The following JAZF1 variants were observed in gnomAD, a reference collection of about 807,000 sequenced individuals.
JAZF1 encodes the protein JAZF zinc finger 1, also known as juxtaposed with another zinc finger protein 1.
In JAZF1, 8 loss-of-function variants were observed where a neutral mutation model predicts 26.4. The observed-to-expected ratio is 0.30, with a 90% confidence interval of 0.18 to 0.55. JAZF1 has a LOEUF of 0.55. Among genes scored for constraint, JAZF1 ranks in the 20% least tolerant of loss-of-function variants. JAZF1 has a pLI of 0.94. For synonymous variants in JAZF1, 126 were observed against 122.3 expected (o/e 1.03, Z -0.20); for missense variants, 199 against 322.0 (o/e 0.62, Z 2.92).
At chr7:27,897,686 C>T (rs1254740572) in intron 2 of JAZF1, among the ~76,000 whole-genome samples, 3 of 152,228 alleles carry the variant, frequency 2.0e-5, no homozygotes. Flanking sequence ...ATGGCCCTTG[C>T]ACAGAATGGG....
At chr7:27,850,465 A>G (rs1477034068) in intron 3 of JAZF1, among the ~76,000 whole-genome samples, 2 of 152,176 alleles carry the variant, frequency 1.3e-5, no homozygotes, top group African/African-American at 2.4e-5. Context: ...CACACTTTCT[A>G]ATGAATTGCC....
intron 1 of JAZF1, among the ~76,000 whole-genome samples, chr7:28,033,767 G>C (rs1267783965): frequency 6.6e-6 from 1 of 152,128 alleles, no homozygotes; most frequent in East Asian, 1.9e-4. Context: ...GCAATGGGAG[G>C]AGTCTCACTC....
At chr7:28,127,956 C>T (rs1239724701) in intron 1 of JAZF1, among the ~76,000 whole-genome samples, 1 of 152,070 alleles carries the variant, frequency 6.6e-6, no homozygotes, top group East Asian at 1.9e-4. Context: ...CTTCCCACAA[C>T]ACATGGGGAT....
chr7:28,151,528 C>T lies in JAZF1; in HGVS notation c.115+28935G>A, dbSNP rs572244472. On this transcript the variant is annotated intron_variant, in intron 1 of 4. Coordinates refer to ENST00000283928, the MANE Select transcript of JAZF1 (RefSeq NM_175061.4). ...CAAAAACAAAGGATGAGGCCAGGCA[C>T]GGTGGCTCATGTCTGTAATCCCAGC... Among the ~76,000 whole-genome samples, 13 of 151,856 alleles carry T rather than the reference C, an allele frequency of 8.6e-5. No homozygotes were observed. The East Asian group carries it at 1.2e-3, about 14-fold the overall frequency.
intron 3 of JAZF1, among the ~76,000 whole-genome samples, chr7:27,891,515 A>G (rs1783976666): frequency 6.6e-6 from 1 of 152,228 alleles, no homozygotes; most frequent in Non-Finnish European, 1.5e-5. Flanking sequence ...AGAGAAAAAG[A>G]TTCTTCTAGG....
chr7:28,120,501 C>CTTTTTTTTTGTTTTTTT (rs1782582732), intron 1 of JAZF1, among the ~76,000 whole-genome samples: 1 of 59,004 alleles, frequency 1.7e-5, no homozygotes, highest in Non-Finnish European at 2.8e-5. Flanking sequence ...ACACACAGTT[C>CTTTTTTTTTGTTTTTTT]TTTTTTTTTT....
At chr7:28,110,329 G>C (rs535679950) in intron 1 of JAZF1, among the ~76,000 whole-genome samples, 1 of 151,596 alleles carries the variant, frequency 6.6e-6, no homozygotes, top group Non-Finnish European at 1.5e-5. Context: ...GGGAGGCTGC[G>C]GGAGGAGAAT....
At chr7:28,048,812 A>G (rs1415102116) in intron 1 of JAZF1, among the ~76,000 whole-genome samples, 1 of 152,184 alleles carries the variant, frequency 6.6e-6, no homozygotes, top group African/African-American at 2.4e-5. Context: ...ACAATGGAAT[A>G]TTACTGAGCC....
At chr7:27,929,308 G>A (rs1001485142) in intron 2 of JAZF1, among the ~76,000 whole-genome samples, 4 of 152,176 alleles carry the variant, frequency 2.6e-5, no homozygotes, top group Non-Finnish European at 5.9e-5. Flanking sequence ...CGGGTGCTGT[G>A]GCCAGCAGGG....
At chr7:27,972,464 G>A (rs539653540) in intron 2 of JAZF1, among the ~76,000 whole-genome samples, 5 of 152,296 alleles carry the variant, frequency 3.3e-5, no homozygotes, top group African/African-American at 7.2e-5. Flanking sequence ...GAGAAGTGAG[G>A]GGATGCCTGG....
At chr7:28,173,462 T>A (rs947663674) in intron 1 of JAZF1, among the ~76,000 whole-genome samples, 1 of 152,218 alleles carries the variant, frequency 6.6e-6, no homozygotes, top group African/African-American at 2.4e-5. Context: ...GTATGTGTAT[T>A]AGACATATAC....
intron 2 of JAZF1, among the ~76,000 whole-genome samples, chr7:27,947,176 T>C (rs1046369671): frequency 1.3e-5 from 2 of 152,224 alleles, no homozygotes; most frequent in African/African-American, 4.8e-5. Flanking sequence ...AAAAAGCAGA[T>C]GATATTATAC....
At chr7:28,128,042 C>CA (rs1583575465) in intron 1 of JAZF1, among the ~76,000 whole-genome samples, 1 of 151,882 alleles carries the variant, frequency 6.6e-6, no homozygotes, top group East Asian at 1.9e-4. Context: ...CACTCAATTA[C>CA]AAAAAAGAGA....
rs1388277889 is a variant in JAZF1 at position 28,099,337 on chromosome 7, C to T, written c.115+81126G>A. Among the ~76,000 whole-genome samples, 3 of 151,642 alleles carry T rather than the reference C, an allele frequency of 2.0e-5. No homozygotes were observed. The East Asian group carries it at 5.8e-4, about 29-fold the overall frequency. On this transcript the variant is annotated intron_variant, in intron 1 of 4. Coordinates refer to ENST00000283928, the MANE Select transcript of JAZF1 (RefSeq NM_175061.4). The stretch of plus-strand genomic sequence containing the variant: ...TGAAATTTTCATTGTCTGTTCACAA[C>T]TTCCAGCAAGACTAAAAAGCTTTTT...
At chr7:27,968,091 T>C (rs943167819) in intron 2 of JAZF1, among the ~76,000 whole-genome samples, 1 of 152,254 alleles carries the variant, frequency 6.6e-6, no homozygotes, top group African/African-American at 2.4e-5. Context: ...GTAATTCATA[T>C]AGTTGTATGG....
intron 1 of JAZF1, among the ~76,000 whole-genome samples, chr7:27,999,390 G>T (rs1786086058): frequency 6.6e-6 from 1 of 152,178 alleles, no homozygotes; most frequent in South Asian, 2.1e-4. Flanking sequence ...AAGAGCCTAT[G>T]AGAAGGTATC....
chr7:28,052,277 T>C (rs1294418171), intron 1 of JAZF1, among the ~76,000 whole-genome samples: 3 of 152,240 alleles, frequency 2.0e-5, no homozygotes, highest in South Asian at 2.1e-4. Flanking sequence ...AAACTACTCA[T>C]ATTAAAAAAT....
intron 1 of JAZF1, among the ~76,000 whole-genome samples, chr7:28,018,691 G>A (rs1469174465): frequency 6.6e-6 from 1 of 152,148 alleles, no homozygotes; most frequent in Non-Finnish European, 1.5e-5. Context: ...AGCAGAGGCT[G>A]AATACAACAT....
intron 2 of JAZF1, among the ~76,000 whole-genome samples, chr7:27,942,929 C>A (rs527753801): frequency 2.0e-5 from 3 of 152,324 alleles, no homozygotes; most frequent in African/African-American, 7.2e-5. Flanking sequence ...AGATGAGGCG[C>A]TATTTGGTCA....
Sources: gnomAD v4.1 joint callset for allele counts (sites outside exome capture counted in the v4.1 genomes callset) on GRCh38, gnomAD v4.1.1 for gene constraint, MANE v1.5 for transcripts, NCBI Gene and HGNC (gene_info 2026-07-23, HGNC 2026-07-21) for gene names.